SPATA13: variants seen among roughly 807,000 people sequenced by gnomAD.
SPATA13 encodes spermatogenesis associated 13, also known as spermatogenesis-associated protein 13.
In SPATA13, 50 loss-of-function variants were observed where a neutral mutation model predicts 104.0. That is an observed-to-expected ratio of 0.48 (90% CI 0.38 to 0.61). The LOEUF (loss-of-function observed/expected upper bound fraction) is 0.61. SPATA13 is among the 20% of genes least tolerant of loss of function. The pLI is 0.00. For synonymous variants in SPATA13, 606 were observed against 667.5 expected, an observed-to-expected ratio of 0.91 and a Z score of 1.42; for missense variants, 1,524 against 1,690.6, an observed-to-expected ratio of 0.90 and a Z score of 1.73.
rs764514991 is a variant in SPATA13 at position 24,303,235 on chromosome 13, G to T, written c.*462G>T. On this transcript the variant is annotated 3_prime_UTR_variant, in exon 13 of 13. Transcript: ENST00000382108. Reference sequence around the variant, plus strand: ...ACGGGGTTGACACAATGCTGCACGTGTCTGGTCACACTTAGAAATTGAGCT... The same window carrying T: ...ACGGGGTTGACACAATGCTGCACGTTTCTGGTCACACTTAGAAATTGAGCT... 1.4e-5 allele frequency: 6 copies of T among 431,320 alleles called. No individual in the cohort carries two copies. Among genetic ancestry groups the T allele is most frequent in the Non-Finnish European group, 2.3e-5 (5 of 215,746 alleles). 26.7% of individuals were successfully genotyped at this position (431,320 alleles called of 1,614,324 possible). A position where few individuals can be genotyped will look rare whatever the true frequency, so the allele number is the denominator to read the frequency against.
intron 3 of SPATA13, among the ~76,000 whole-genome samples, chr13:24,111,661 C>T (rs1880643092): frequency 6.6e-6 from 1 of 152,246 alleles, no homozygotes; most frequent in African/African-American, 2.4e-5. Context: ...CTGCCTTGGC[C>T]TCCCAAAGTG....
In SPATA13 at chr13:24,073,088, G is replaced by A. The variant is rs544221375; in HGVS notation, c.-112+55387G>A. ...ATAATGTCCAGTTTTTTTAATCCAA[G>A]GCAATGGTGAGTTATTTGACCATTT... On this transcript the variant is annotated intron_variant, in intron 3 of 14. Coordinates refer to the SPATA13 transcript ENST00000424834. Among the ~76,000 whole-genome samples, 202 of 152,062 alleles carry A rather than the reference G, an allele frequency of 1.3e-3. 1 individual carries two copies. Among genetic ancestry groups the A allele is most frequent in the African/African-American group, 4.4e-3 (184 of 41,502 alleles).
upstream of SPATA13, among the ~76,000 whole-genome samples, chr13:24,157,356 G>T (rs550283013): frequency 2.6e-5 from 4 of 152,118 alleles, no homozygotes; most frequent in East Asian, 1.9e-4. Flanking sequence ...TGGAGTGCAG[G>T]GGCGCGATCG....
chr13:24,164,328 T>C lies in SPATA13; in HGVS notation c.-112+3396T>C, dbSNP rs188501763. 1.9e-4 allele frequency among the ~76,000 whole-genome samples: 29 copies of C among 152,368 alleles called. No homozygotes were observed. In the East Asian group the frequency reaches 5.2e-3, roughly 27 times the overall value. On this transcript the variant is annotated intron_variant, in intron 1 of 12. Coordinates refer to ENST00000382108, the MANE Select transcript of SPATA13 (RefSeq NM_001166271.3). ...GACTCCCACTGAGCCCCCTTGCTCC[T>C]GCCTCTGCTCCCTCCATGTTTAATG...
chr13:24,176,712 G>A (rs1212496112), intron 1 of SPATA13, among the ~76,000 whole-genome samples: 1 of 152,236 alleles, frequency 6.6e-6, no homozygotes, highest in East Asian at 1.9e-4. Flanking sequence ...CTCTAAAGAA[G>A]TTCACATATC....
chr13:24,302,648 C>T lies in SPATA13; in HGVS notation c.3709C>T (p.His1237Tyr). ...ACCGCACCAGGGCCTGCACCCCATC[C>T]ACCAGCGCCACATCACTATGCCCAC... ...APPHQGLHPIHQRHITMPTSV... is the reference protein window; with the variant it reads ...APPHQGLHPIYQRHITMPTSV... Residue 1237 changes from histidine (H) to tyrosine (Y), a missense_variant, in exon 13 of 13, where the codon CAC (histidine) becomes TAC (tyrosine). Around this residue, in one of 2 missense-constraint regions of SPATA13, gnomAD observed 435 missense variants for 554.8 expected, o/e 0.78. Transcript: ENST00000382108. The T allele has an allele frequency of 6.2e-7, 1 of 1,613,934 alleles. No individual in the cohort carries two copies.
At position 24,161,055 on chromosome 13, in the gene SPATA13, C is replaced by A; in HGVS notation, c.-112+123C>A. ...GGGCTTCGGGATGTCCAGCTCCCAGCTGCTTGGCCTCTGCTTCCCCCGCCG... is the reference window on the plus strand; with the variant it reads ...GGGCTTCGGGATGTCCAGCTCCCAGATGCTTGGCCTCTGCTTCCCCCGCCG... On this transcript the variant is annotated intron_variant, in intron 1 of 12. Coordinates refer to ENST00000382108, the MANE Select transcript of SPATA13 (RefSeq NM_001166271.3). The surrounding 1 kb of genome is among the most constrained non-coding windows in gnomAD (Gnocchi z 4.5). 2 of 570,822 alleles carry A rather than the reference C, an allele frequency of 3.5e-6. No homozygotes were observed. Among genetic ancestry groups the A allele is most frequent in the Non-Finnish European group, 4.4e-6 (2 of 450,542 alleles). The allele number at this position is 570,822 out of a possible 1,614,324, so 35.4% of individuals were successfully genotyped here.
intron 1 of SPATA13, among the ~76,000 whole-genome samples, chr13:23,980,635 C>G (rs987445525): frequency 1.3e-5 from 2 of 152,118 alleles, no homozygotes; most frequent in Non-Finnish European, 2.9e-5. Flanking sequence ...CTTTGTCGCC[C>G]AGGTTGGAGG....
At chr13:24,091,093 G>A (rs1879895412) in intron 3 of SPATA13, among the ~76,000 whole-genome samples, 1 of 152,220 alleles carries the variant, frequency 6.6e-6, no homozygotes, top group Admixed American at 6.5e-5. Context: ...CAGTTTTTCA[G>A]CCTTTGCTGA....
chr13:24,138,576 CTTTT>C (rs1566117966), intron 3 of SPATA13, among the ~76,000 whole-genome samples: 2 of 151,780 alleles, frequency 1.3e-5, no homozygotes, highest in African/African-American at 4.8e-5. Context: ...TGGAAAAGAT[CTTTT>C]TTTGTTTTTT....
In SPATA13 at chr13:24,123,037, A is replaced by G; in HGVS notation, c.-111-99782A>G. 3 of 946,116 alleles carry G rather than the reference A, an allele frequency of 3.2e-6. No homozygotes were observed. The East Asian group carries it at 7.2e-5, about 23-fold the overall frequency. The allele number at this position is 946,116 out of a possible 1,614,324, so 58.6% of individuals were successfully genotyped here. ...GGCCCCATCTGGATTACTTGGTTAAATGTCATTGCCAAATGTTGTGTCATT... is the reference window on the plus strand; with the variant it reads ...GGCCCCATCTGGATTACTTGGTTAAGTGTCATTGCCAAATGTTGTGTCATT... On this transcript the variant is annotated intron_variant, in intron 3 of 14. Transcript: ENST00000424834.
At chr13:24,035,637 C>T (rs193269224) in intron 3 of SPATA13, among the ~76,000 whole-genome samples, 35 of 152,208 alleles carry the variant, frequency 2.3e-4, no homozygotes, top group Admixed American at 6.5e-4. Flanking sequence ...TCACAGGAGG[C>T]GTGTCACTGA....
At chr13:24,277,730 T>C (rs1050979976) in intron 4 of SPATA13, among the ~76,000 whole-genome samples, 3 of 152,188 alleles carry the variant, frequency 2.0e-5, no homozygotes, top group African/African-American at 7.2e-5. Context: ...CCAGGTACTA[T>C]GCTAGGGGCT....
intron 2 of SPATA13, among the ~76,000 whole-genome samples, chr13:24,245,505 A>G (rs1354114026): frequency 1.3e-5 from 2 of 149,652 alleles, no homozygotes; most frequent in East Asian, 3.9e-4. Context: ...AATATGTGGT[A>G]CCTTTTAGAG....
intron 8 of SPATA13, among the ~76,000 whole-genome samples, chr13:24,289,383 T>A (rs568830083): frequency 6.6e-6 from 1 of 152,306 alleles, no homozygotes; most frequent in African/African-American, 2.4e-5. Context: ...CCAAATTCAT[T>A]TTTTCAAAAT....
chr13:24,169,367 C>G (rs1349471524), intron 1 of SPATA13, among the ~76,000 whole-genome samples: 3 of 152,150 alleles, frequency 2.0e-5, no homozygotes, highest in Admixed American at 2.0e-4. Flanking sequence ...CAGTGGGATT[C>G]TGGGTAAGCA....
intron 1 of SPATA13, among the ~76,000 whole-genome samples, chr13:24,195,932 C>A (rs1194860811): frequency 6.6e-6 from 1 of 152,070 alleles, no homozygotes. Flanking sequence ...TTCTTAGGTA[C>A]TATAATAATT....
intron 3 of SPATA13, among the ~76,000 whole-genome samples, chr13:24,021,153 G>A (rs150402737): frequency 1.3e-5 from 2 of 152,338 alleles, no homozygotes; most frequent in African/African-American, 2.4e-5. Flanking sequence ...TCCACAGAAA[G>A]GAAGGTATTA....
intron 1 of SPATA13, among the ~76,000 whole-genome samples, chr13:24,178,536 A>G (rs1200182978): frequency 2.0e-5 from 3 of 152,180 alleles, no homozygotes; most frequent in Non-Finnish European, 4.4e-5. Flanking sequence ...AAGTACCCTA[A>G]TAAATGAGCT....
Sources: gnomAD v4.1 joint callset for allele counts (sites outside exome capture counted in the v4.1 genomes callset) on GRCh38, gnomAD v4.1.1 for gene constraint, gnomAD v4.1.1 regional missense constraint, Gnocchi (gnomAD v3.1) non-coding constraint, MANE v1.5 for transcripts, NCBI Gene and HGNC (gene_info 2026-07-23, HGNC 2026-07-21) for gene names.